Variants in BLCAP observed in about 807,000 individuals in gnomAD.
BLCAP encodes the protein apoptosis inducing factor BLCAP.
In BLCAP, 1 loss-of-function variant was observed where a neutral mutation model predicts 5.7. The ratio of observed to expected loss-of-function variants is 0.18; its 90% confidence interval spans 0.06 to 0.83. BLCAP has a LOEUF of 0.83. BLCAP is among the 40% of genes least tolerant of loss of function. The pLI is 0.71. For synonymous variants in BLCAP, 48 were observed against 49.4 expected (o/e 0.97, Z 0.11); for missense variants, 66 against 107.6 (o/e 0.61, Z 1.71).
chr20:37,522,598 G>GGGGGGGGGGGGCCC, intron 1 of BLCAP: 4 of 864,304 alleles, frequency 4.6e-6, no homozygotes, highest in East Asian at 4.6e-5. Context: ...GCGGGGGTGG[G>GGGGGGGGGGGGCCC]CACGGCAGCA....
At position 37,521,449 on chromosome 20, in the gene BLCAP, C is replaced by A; in HGVS notation, c.-176-2099G>T. ...GGTGGGAGAGGGTTCCCAACTCGCG[C>A]CCCTAGAACCCGCAAGACTGCGTCG... On this transcript the variant is annotated intron_variant, in intron 1 of 1. Coordinates refer to ENST00000373537, the MANE Select transcript of BLCAP (RefSeq NM_006698.4). The surrounding 1 kb of genome is among the most constrained non-coding windows in gnomAD (Gnocchi z 4.5). The A allele has an allele frequency of 2.5e-6, 4 of 1,574,744 alleles. No homozygotes were observed. The highest frequency in any genetic ancestry group is 3.5e-6 in the Non-Finnish European group (4 of 1,144,118).
intron 1 of BLCAP, among the ~76,000 whole-genome samples, chr20:37,519,600 G>A (rs2147184325): frequency 6.6e-6 from 1 of 152,304 alleles, no homozygotes; most frequent in South Asian, 2.1e-4. Flanking sequence ...TTCTCCTGGG[G>A]GATCGGGGAG....
Position 37,519,319 on chromosome 20 carries a change from G to C in BLCAP, c.-145C>G. On this transcript the variant is annotated 5_prime_UTR_variant, in exon 2 of 2. Transcript: ENST00000373537. ...AGCTGAGCCGCTGTGCTCTCTGGCT[G>C]TCAGCCCGGGATCACCAAGGCAGCA... 1.1e-6 allele frequency: 1 copy of C among 869,940 alleles called. No individual in the cohort carries two copies. The highest frequency in any genetic ancestry group is 1.6e-6 in the Non-Finnish European group (1 of 608,022). 53.9% of individuals were successfully genotyped at this position (869,940 alleles called of 1,614,324 possible). A position where few individuals can be genotyped will look rare whatever the true frequency, so the allele number is the denominator to read the frequency against.
chr20:37,521,504 C>G lies in BLCAP; in HGVS notation c.-176-2154G>C, dbSNP rs2071572098. On this transcript the variant is annotated intron_variant, in intron 1 of 1. Transcript: ENST00000373537. The surrounding 1 kb of genome is among the most constrained non-coding windows in gnomAD (Gnocchi z 4.5). ...TGCCGCTTCCCGGACCCGTCCTATT[C>G]CGATTGCCGCGATCCTTGCCTGCCC... 2 of 1,199,612 alleles carry G rather than the reference C, an allele frequency of 1.7e-6. No individual in the cohort carries two copies. The highest frequency in any genetic ancestry group is 2.5e-6 in the Non-Finnish European group (2 of 813,012). The allele number at this position is 1,199,612 out of a possible 1,614,324, so 74.3% of individuals were successfully genotyped here. A position where few individuals can be genotyped will look rare whatever the true frequency, so the allele number is the denominator to read the frequency against.
At chr20:37,523,040 T>G (rs1601096244) in intron 1 of BLCAP, 1 of 394,622 alleles carries the variant, frequency 2.5e-6, no homozygotes, top group East Asian at 4.0e-5. Context: ...GATCTGGGCA[T>G]AGGCACCGCA....
At chr20:37,520,921 C>A (rs959292916) in intron 1 of BLCAP, among the ~76,000 whole-genome samples, 20 of 152,156 alleles carry the variant, frequency 1.3e-4, no homozygotes, top group African/African-American at 4.6e-4. Flanking sequence ...GGAGACTGAG[C>A]TCAAATTTGC....
At chr20:37,524,473 G>A (rs992475743) in intron 1 of BLCAP, 25 of 152,380 alleles carry the variant, frequency 1.6e-4, no homozygotes, top group African/African-American at 6.0e-4. Context: ...AGTGAGTCAG[G>A]GCTCTTTCTA....
Position 37,521,094 on chromosome 20 carries a change from G to T in BLCAP, c.-176-1744C>A, listed in dbSNP as rs1177262864. ...GGGGCTAAGATGGAACTCAGGAGGC[G>T]GGGGTCGGTATGGAAAGAGCAGATG... On this transcript the variant is annotated intron_variant, in intron 1 of 1. Transcript: ENST00000373537. The surrounding 1 kb of genome is among the most constrained non-coding windows in gnomAD (Gnocchi z 4.5). 5.3e-6 allele frequency: 3 copies of T among 566,012 alleles called. No homozygotes were observed. The South Asian group carries it at 5.9e-5, about 11-fold the overall frequency. The allele number at this position is 566,012 out of a possible 1,614,324, so 35.1% of individuals were successfully genotyped here.
chr20:37,521,142 C>A lies in BLCAP; in HGVS notation c.-176-1792G>T, dbSNP rs935239766. On this transcript the variant is annotated intron_variant, in intron 1 of 1. Transcript: ENST00000373537. The surrounding 1 kb of genome is among the most constrained non-coding windows in gnomAD (Gnocchi z 4.5). Reference sequence around the variant, plus strand: ...ATGGATTATTTTTTTCCTCTCCTGGCGAATGAGGAGCGCCCCCAGCCACCC... The same window carrying A: ...ATGGATTATTTTTTTCCTCTCCTGGAGAATGAGGAGCGCCCCCAGCCACCC... The A allele has an allele frequency of 1.8e-5, 12 of 657,484 alleles. No individual in the cohort carries two copies. The highest frequency in any genetic ancestry group is 2.7e-5 in the Non-Finnish European group (10 of 365,942). 40.7% of individuals were successfully genotyped at this position (657,484 alleles called of 1,614,324 possible).
chr20:37,519,571 T>C (rs2147184253), intron 1 of BLCAP, among the ~76,000 whole-genome samples: 1 of 152,260 alleles, frequency 6.6e-6, no homozygotes, highest in East Asian at 1.9e-4. Flanking sequence ...GGAAGCTTCC[T>C]GGGATGTCTC....
rs2071574119 is a variant in BLCAP, at chr20:37,521,543, G to C, written c.-176-2193C>G. ...CCTTGCCTGCCCAAGTGCCGCTGCC[G>C]GCACCGCGCGCCCCCTGCCCATTCC... On this transcript the variant is annotated intron_variant, in intron 1 of 1. Transcript: ENST00000373537. The surrounding 1 kb of genome is among the most constrained non-coding windows in gnomAD (Gnocchi z 4.5). 1 of 826,428 alleles carries C rather than the reference G, an allele frequency of 1.2e-6. No individual in the cohort carries two copies. Among genetic ancestry groups the C allele is most frequent in the Non-Finnish European group, 2.0e-6 (1 of 508,426 alleles). The allele number at this position is 826,428 out of a possible 1,614,324, so 51.2% of individuals were successfully genotyped here.
At chr20:37,522,177 T>G (rs2071603997) in intron 1 of BLCAP, among the ~76,000 whole-genome samples, 1 of 15,694 alleles carries the variant, frequency 6.4e-5, no homozygotes. Flanking sequence ...GACAATTGCT[T>G]TACAAAAAAA....
Position 37,518,596 on chromosome 20 carries a change from G to A in BLCAP, c.*315C>T. The A allele has an allele frequency of 3.2e-6, 1 of 307,876 alleles. No individual in the cohort carries two copies. The highest frequency in any genetic ancestry group is 6.1e-6 in the Non-Finnish European group (1 of 163,430). 19.1% of individuals were successfully genotyped at this position (307,876 alleles called of 1,614,324 possible). A position where few individuals can be genotyped will look rare whatever the true frequency, so the allele number is the denominator to read the frequency against. ...ATTTTATCTGCCCCAGGTCACATTG[G>A]GGCAGCTGACCAGGATGGACCCAGA... On this transcript the variant is annotated 3_prime_UTR_variant, in exon 2 of 2. Coordinates refer to ENST00000373537, the MANE Select transcript of BLCAP (RefSeq NM_006698.4).
chr20:37,521,764 C>G lies in BLCAP; in HGVS notation c.-176-2414G>C, dbSNP rs1018619197. 11 of 196,952 alleles carry G rather than the reference C, an allele frequency of 5.6e-5. No homozygotes were observed. Among genetic ancestry groups the G allele is most frequent in the African/African-American group, 2.5e-4 (11 of 43,200 alleles). The allele number at this position is 196,952 out of a possible 1,614,324, so 12.2% of individuals were successfully genotyped here. ...ACTACTGTGTTGAAAGACTTTACAG[C>G]TCGCAGAGTGAAAATTTTCCACCTT... On this transcript the variant is annotated intron_variant, in intron 1 of 1. Coordinates refer to ENST00000373537, the MANE Select transcript of BLCAP (RefSeq NM_006698.4). The surrounding 1 kb of genome is among the most constrained non-coding windows in gnomAD (Gnocchi z 4.5).
intron 1 of BLCAP, among the ~76,000 whole-genome samples, chr20:37,522,191 A>AG (rs397938184): frequency 9.8e-5 from 1 of 10,246 alleles, no homozygotes; most frequent in Non-Finnish European, 8.0e-4. Flanking sequence ...AAAAAAAAAA[A>AG]TAATAATAAA....
Position 37,521,450 on chromosome 20 carries a change from C to A in BLCAP, c.-176-2100G>T, listed in dbSNP as rs1222002970. On this transcript the variant is annotated intron_variant, in intron 1 of 1. Coordinates refer to ENST00000373537, the MANE Select transcript of BLCAP (RefSeq NM_006698.4). This position sits in a 1 kb window ranked among gnomAD's most constrained non-coding sequence, Gnocchi z 4.5. ...GTGGGAGAGGGTTCCCAACTCGCGC[C>A]CCTAGAACCCGCAAGACTGCGTCGC... The A allele has an allele frequency of 6.3e-7, 1 of 1,575,604 alleles. No individual in the cohort carries two copies. Among genetic ancestry groups the A allele is most frequent in the East Asian group, 2.2e-5 (1 of 44,720 alleles).
chr20:37,519,399 A>C, intron 1 of BLCAP, 49 bp from the exon 2 acceptor site: 1 of 150,926 alleles, frequency 6.6e-6, no homozygotes, highest in Non-Finnish European at 1.3e-5. Flanking sequence ...GAACAGACAG[A>C]CAGACAAAAA....
chr20:37,524,742 A>G (rs1017950657), intron 1 of BLCAP, among the ~76,000 whole-genome samples: 5 of 152,160 alleles, frequency 3.3e-5, no homozygotes, highest in African/African-American at 1.2e-4. Flanking sequence ...TAAGTTTCTT[A>G]GCCCAATCAC....
chr20:37,526,166 C>G (rs971643519), intron 1 of BLCAP, among the ~76,000 whole-genome samples: 1 of 152,006 alleles, frequency 6.6e-6, no homozygotes, highest in African/African-American at 2.4e-5. Context: ...ACTGTTGGAT[C>G]GGGGAGCAGG....
Sources: allele counts gnomAD v4.1 joint callset (sites outside exome capture counted in the v4.1 genomes callset), GRCh38; gene constraint gnomAD v4.1.1; non-coding constraint Gnocchi (gnomAD v3.1); transcripts MANE v1.5; gene names NCBI Gene and HGNC (gene_info 2026-07-23, HGNC 2026-07-21).